The following LYSMD4 variants were observed in gnomAD, a reference collection of about 807,000 sequenced individuals.
LYSMD4 encodes LysM domain containing 4, also known as lysM and putative peptidoglycan-binding domain-containing protein 4.
Under a neutral mutation model 6.1 loss-of-function variants are expected in LYSMD4, and 9 were observed. The observed-to-expected ratio is 1.47, with a 90% CI of 0.88 to 2.56. The LOEUF is 2.56. LYSMD4 is among the 30% of genes most tolerant of loss of function. The pLI is 0.00. For missense variants in LYSMD4, 384 were observed against 373.5 expected, an observed-to-expected ratio of 1.03 and a Z score of -0.23; for synonymous variants, 143 against 148.5, an observed-to-expected ratio of 0.96 and a Z score of 0.27.
chr15:99,727,066 TATCA>T (rs1361797032), downstream of LYSMD4, among the ~76,000 whole-genome samples: 3 of 152,054 alleles, frequency 2.0e-5, no homozygotes, highest in Non-Finnish European at 4.4e-5. Context: ...AACGCTAAAT[TATCA>T]ATCCCCAAAT....
chr15:99,729,551 CTCTG>C lies in LYSMD4; in HGVS notation c.459_462del (p.Asp153GlufsTer13). The stretch of plus-strand genomic sequence containing the variant: ...GCCTGGGCACCGGTGCCCGCGCCTG[CTCTG>C]TCTGCCTCTGGCAGTTCCACGGTCA... On this transcript the variant is annotated frameshift_variant, in exon 3 of 3. Coordinates refer to ENST00000684762, the MANE Select transcript of LYSMD4 (RefSeq NM_001284417.2). LOFTEE classifies it low-confidence loss of function (END_TRUNC). The C allele has an allele frequency of 1.2e-6, 2 of 1,614,140 alleles. No individual in the cohort carries two copies. The highest frequency in any genetic ancestry group is 1.7e-5 in the Admixed American group (1 of 60,018).
At chr15:99,725,668 C>G (rs2059272627), downstream of LYSMD4, among the ~76,000 whole-genome samples, 1 of 152,054 alleles carries the variant, frequency 6.6e-6, no homozygotes, top group Admixed American at 6.6e-5. Flanking sequence ...GGCAATGGAT[C>G]TAACTTTTCT....
chr15:99,716,357 G>T, exon 1 of LYSMD4: 1 of 356,034 alleles, frequency 2.8e-6, no homozygotes, highest in Admixed American at 3.7e-5. Context: ...CCCTGAATGT[G>T]TTGTTTTTCT....
rs1171785331 is a variant in LYSMD4, at chr15:99,716,414, G to C, written c.384C>G (p.Val128=). 6 of 428,014 alleles carry C rather than the reference G, an allele frequency of 1.4e-5. No individual in the cohort carries two copies. In the East Asian group the frequency reaches 4.4e-4, roughly 31 times the overall value. The allele number at this position is 428,014 out of a possible 1,614,324, so 26.5% of individuals were successfully genotyped here. ...AGTGAACTTTTTATCAAATGGTGAA[G>C]ACAATGCTAAAGGTTGTTGTAAACT... Residue 128 remains valine, a synonymous_variant, in exon 1 of 1, where the codon GTC becomes GTG. Coordinates refer to the LYSMD4 transcript ENST00000378904.
chr15:99,722,810 G>A (rs769597022), downstream of LYSMD4, among the ~76,000 whole-genome samples: 2 of 152,116 alleles, frequency 1.3e-5, no homozygotes, highest in African/African-American at 2.4e-5. Flanking sequence ...TGGGGCGGGC[G>A]GATCACTTGA....
Position 99,728,932 on chromosome 15 carries a change from T to C in LYSMD4, c.*191A>G, listed in dbSNP as rs2059333297. The C allele has an allele frequency of 1.3e-6, 1 of 766,344 alleles. No individual in the cohort carries two copies. The allele number at this position is 766,344 out of a possible 1,614,324, so 47.5% of individuals were successfully genotyped here. On this transcript the variant is annotated 3_prime_UTR_variant, in exon 3 of 3. Coordinates refer to ENST00000684762, the MANE Select transcript of LYSMD4 (RefSeq NM_001284417.2). ...ATAGGGGCCGAGGTCGCTGCTGTTT[T>C]AGATCCTGCCAGCTTAGACTGGGTA...
In LYSMD4 at chr15:99,731,874, CTCT is replaced by C. The variant is rs761613305; in HGVS notation, c.123_125del (p.Glu42del). 12 of 1,613,620 alleles carry C rather than the reference CTCT, an allele frequency of 7.4e-6. No homozygotes were observed. The highest frequency in any genetic ancestry group is 2.2e-5 in the South Asian group (2 of 91,080). On this transcript the variant is annotated inframe_deletion, in exon 2 of 3. Transcript: ENST00000684762. ...GGGGCCGCAAAACCACACGGTGAGA[CTCT>C]TCTTCAGAAGAGTCCCCCGAGTCCC...
upstream of LYSMD4, among the ~76,000 whole-genome samples, chr15:99,719,045 C>T (rs1458789720): frequency 6.6e-6 from 1 of 152,308 alleles, no homozygotes; most frequent in Non-Finnish European, 1.5e-5. Flanking sequence ...GAACCCAGCT[C>T]TTATTATCTA....
intron 2 of LYSMD4, among the ~76,000 whole-genome samples, chr15:99,730,253 T>G (rs537459597): frequency 1.3e-5 from 2 of 152,244 alleles, no homozygotes; most frequent in Non-Finnish European, 1.5e-5. Flanking sequence ...TTGACAGATA[T>G]GCCCTCGGCA....
downstream of LYSMD4, among the ~76,000 whole-genome samples, chr15:99,725,997 C>G (rs1423816474): frequency 3.3e-5 from 5 of 152,092 alleles, no homozygotes; most frequent in African/African-American, 9.7e-5. Context: ...ATATAAAGCT[C>G]TTAGAGCACT....
Position 99,729,441 on chromosome 15 carries a change from G to A in LYSMD4, c.573C>T (p.Tyr191=), listed in dbSNP as rs2141121982. The A allele has an allele frequency of 6.2e-7, 1 of 1,614,190 alleles. No individual in the cohort carries two copies. The highest frequency in any genetic ancestry group is 1.7e-5 in the Admixed American group (1 of 60,024). Residue 191 remains tyrosine, a synonymous_variant, in exon 3 of 3, where the codon TAC becomes TAT. Coordinates refer to ENST00000684762, the MANE Select transcript of LYSMD4 (RefSeq NM_001284417.2). ...GTGGCTGATGGGAGGTGTCCATGCA[G>A]TAACTTTCATGTAGAAAGATTTCTG... ...VQSEIFLHES[Y]CMDTSHQPLL... is the part of the protein sequence containing the mutation.
At position 99,729,754 on chromosome 15, in the gene LYSMD4, A is replaced by T. The variant is rs767414180; in HGVS notation, c.283-23T>A. ...AACCTAGGAAGGCACGAAGATAAAC[A>T]TCATAAAATATGCGGAGCTCCTTAA... On this transcript the variant is annotated intron_variant, in intron 2 of 2. Transcript: ENST00000684762. 1.1e-5 allele frequency: 17 copies of T among 1,574,594 alleles called. No individual in the cohort carries two copies. In the Middle Eastern group the frequency reaches 8.5e-4, roughly 78 times the overall value.
rs139937601 is a variant in LYSMD4 at position 99,731,174 on chromosome 15, T to G, written c.282+544A>C. 204 of 1,612,180 alleles carry G rather than the reference T, an allele frequency of 1.3e-4. No individual in the cohort carries two copies. In the Middle Eastern group the frequency reaches 2.1e-3, roughly 17 times the overall value. On this transcript the variant is annotated intron_variant, in intron 2 of 2. Transcript: ENST00000684762. ...TTCTAGAAATACTTTCCTACTTACT[T>G]TGCCATTGTTAATCACTCTGAATGC...
At chr15:99,721,456 C>G (rs184437123), upstream of LYSMD4, among the ~76,000 whole-genome samples, 31 of 152,332 alleles carry the variant, frequency 2.0e-4, no homozygotes, top group Admixed American at 1.8e-3. Context: ...GGGAGCCTGG[C>G]ACTTGACAGG....
chr15:99,722,582 T>C (rs2059245415), downstream of LYSMD4, among the ~76,000 whole-genome samples: 1 of 152,082 alleles, frequency 6.6e-6, no homozygotes, highest in Admixed American at 6.5e-5. Context: ...GATCAACAAA[T>C]GGACCCAGAA....
chr15:99,717,864 C>A (rs2059201053), upstream of LYSMD4: 1 of 152,244 alleles, frequency 6.6e-6, no homozygotes, highest in African/African-American at 2.4e-5. Flanking sequence ...GGTTTCACTA[C>A]ACAGTCCCCC....
upstream of LYSMD4, among the ~76,000 whole-genome samples, chr15:99,718,351 G>A (rs2059208769): frequency 6.6e-6 from 1 of 152,174 alleles, no homozygotes; most frequent in Non-Finnish European, 1.5e-5. Flanking sequence ...ACTTGGTTCA[G>A]TGGTTTTTAC....
At chr15:99,716,261 T>C (rs1268990790) in exon 1 of LYSMD4, 1 of 340,866 alleles carries the variant, frequency 2.9e-6, no homozygotes, top group East Asian at 7.6e-5. Context: ...GGTTTGATCA[T>C]GTAAAACCGT....
rs371804717 is a variant in LYSMD4 at position 99,729,174 on chromosome 15, G to A, written c.840C>T (p.Ala280=). 19 of 1,614,070 alleles carry A rather than the reference G, an allele frequency of 1.2e-5. No homozygotes were observed. Among genetic ancestry groups the A allele is most frequent in the Middle Eastern group, 3.3e-4 (2 of 6,084 alleles). The change falls in exon 3 of 3, where the codon GCC becomes GCT. Residue 280 remains alanine, a synonymous_variant. Coordinates refer to ENST00000684762, the MANE Select transcript of LYSMD4 (RefSeq NM_001284417.2). ...TGAACTGGCTGTCTGCAGAAGTGAC[G>A]GCTGGCACTGCAACTGCTAGTCTGG... ...QAPRLAVAVP[A]VTSADSQFSQ... is the part of the protein sequence containing the mutation.
Sources: allele counts gnomAD v4.1 joint callset (sites outside exome capture counted in the v4.1 genomes callset), GRCh38; gene constraint gnomAD v4.1.1; transcripts MANE v1.5; gene names NCBI Gene and HGNC (gene_info 2026-07-23, HGNC 2026-07-21).